NDRG3: variants seen among roughly 807,000 people sequenced by gnomAD.
The protein encoded by NDRG3 is protein NDRG3.
In NDRG3, 23 loss-of-function variants were observed where a neutral mutation model predicts 57.2. The ratio of observed to expected loss-of-function variants is 0.40; its 90% CI spans 0.29 to 0.57. NDRG3 has a LOEUF of 0.57. Ranked by LOEUF, NDRG3 falls within the 20% of genes least tolerant of loss-of-function variation. The probability of loss-of-function intolerance (pLI) is 0.42; values close to 1 mark genes in which losing one functional copy is unlikely to be tolerated. For missense variants in NDRG3, 384 were observed against 457.3 expected, an observed-to-expected ratio of 0.84 and a Z score of 1.46; for synonymous variants, 132 against 162.6, an observed-to-expected ratio of 0.81 and a Z score of 1.43.
At chr20:36,695,661 T>G (rs914666475) in intron 3 of NDRG3, among the ~76,000 whole-genome samples, 1 of 152,208 alleles carries the variant, frequency 6.6e-6, no homozygotes, top group Non-Finnish European at 1.5e-5. Flanking sequence ...CAAATTCTAG[T>G]CAGACCAGTT....
chr20:36,665,454 G>A (rs1231446334), intron 10 of NDRG3, among the ~76,000 whole-genome samples, 153 bp from the exon 11 acceptor site: 1 of 152,104 alleles, frequency 6.6e-6, no homozygotes. Context: ...CTTGGTTCTT[G>A]AGTCGCCATT....
intron 8 of NDRG3, among the ~76,000 whole-genome samples, chr20:36,673,581 A>AT (rs1450399952): frequency 6.6e-6 from 1 of 151,940 alleles, no homozygotes; most frequent in Admixed American, 6.6e-5. Context: ...ACGTTTCTGT[A>AT]TTTTTAGTAG....
Position 36,660,393 on chromosome 20 carries a change from TA to T in NDRG3, c.811-10del. The T allele has an allele frequency of 1.9e-6, 3 of 1,603,480 alleles. No individual in the cohort carries two copies. Among genetic ancestry groups the T allele is most frequent in the Admixed American group, 1.7e-5 (1 of 59,282 alleles). ...CGGGAATTGCATTCGACCTAAAATT[TA>T]AAAAAAGAGAAGAAAATAATTTTAT... On this transcript the variant is annotated splice_polypyrimidine_tract_variant and intron_variant, in intron 12 of 15. Transcript: ENST00000349004.
At position 36,742,494 on chromosome 20, in the gene NDRG3, A is replaced by G. The variant is rs1160773534; in HGVS notation, c.-49+3551T>C. ...GAAAATAGCACACAAAAACTTAGCTAGCTTGATTATGGATATTTACCAGGT... is the reference window on the plus strand; with the variant it reads ...GAAAATAGCACACAAAAACTTAGCTGGCTTGATTATGGATATTTACCAGGT... On this transcript the variant is annotated intron_variant, in intron 1 of 15. Coordinates refer to ENST00000349004, the MANE Select transcript of NDRG3 (RefSeq NM_032013.4). Among the ~76,000 whole-genome samples the G allele has an allele frequency of 2.6e-5, 4 of 152,176 alleles. No homozygotes were observed. In the East Asian group the frequency reaches 7.7e-4, roughly 29 times the overall value.
intron 3 of NDRG3, among the ~76,000 whole-genome samples, chr20:36,692,149 T>A (rs996918409): frequency 2.0e-5 from 3 of 152,212 alleles, no homozygotes; most frequent in Non-Finnish European, 4.4e-5. Context: ...GGCAAAAATG[T>A]AAAGTCAGAT....
At chr20:36,741,463 A>G (rs1028050455) in intron 1 of NDRG3, among the ~76,000 whole-genome samples, 4 of 152,198 alleles carry the variant, frequency 2.6e-5, no homozygotes, top group Non-Finnish European at 5.9e-5. Flanking sequence ...ATTTTACTAT[A>G]TATCTTCAAA....
In NDRG3 at chr20:36,652,635, C is replaced by T. The variant is rs1600842633; in HGVS notation, c.*885G>A. 2 of 152,130 alleles carry T rather than the reference C, an allele frequency of 1.3e-5. 1 individual carries two copies. Among genetic ancestry groups the T allele is most frequent in the South Asian group, 4.2e-4 (2 of 4,814 alleles). 9.4% of individuals were successfully genotyped at this position (152,130 alleles called of 1,614,324 possible). ...CACTCTCTGTCACAGACCTAAGAGG[C>T]ACTTCTTGTGGATATGTGGATGTCT... On this transcript the variant is annotated 3_prime_UTR_variant, in exon 16 of 16. Coordinates refer to ENST00000349004, the MANE Select transcript of NDRG3 (RefSeq NM_032013.4).
chr20:36,660,035 C>T (rs912930575), intron 13 of NDRG3, among the ~76,000 whole-genome samples: 3 of 151,888 alleles, frequency 2.0e-5, no homozygotes, highest in African/African-American at 4.8e-5. Context: ...GGTGAAACCC[C>T]GTCTCTACTA....
At chr20:36,686,389 T>A (rs1231631521) in intron 5 of NDRG3, among the ~76,000 whole-genome samples, 2 of 152,204 alleles carry the variant, frequency 1.3e-5, no homozygotes, top group Admixed American at 1.3e-4. Flanking sequence ...CATAGGGTTG[T>A]GAGGAGTAAA....
chr20:36,673,596 G>A (rs1600872466), intron 8 of NDRG3, among the ~76,000 whole-genome samples: 1 of 151,946 alleles, frequency 6.6e-6, no homozygotes, highest in Non-Finnish European at 1.5e-5. Flanking sequence ...TAGTAGAGAT[G>A]GGTTTCACCA....
intron 13 of NDRG3, 110 bp downstream of exon 13, chr20:36,660,225 TGA>T (rs1178616554): frequency 1.2e-6 from 1 of 847,246 alleles, no homozygotes; most frequent in African/African-American, 1.8e-5. Flanking sequence ...AAGAAGAGAA[TGA>T]GATAACCAAA....
Position 36,712,580 on chromosome 20 carries a change from TATA to T in NDRG3, c.58-5576_58-5574del, listed in dbSNP as rs1288712152. 1.1e-3 allele frequency among the ~76,000 whole-genome samples: 30 copies of T among 26,968 alleles called. 1 individual carries two copies. The highest frequency in any genetic ancestry group is 3.1e-3 in the African/African-American group (24 of 7,620). The allele number at this position is 26,968 out of a possible 152,430, so 17.7% of individuals were successfully genotyped here. On this transcript the variant is annotated intron_variant, in intron 2 of 15. Transcript: ENST00000349004. ...CCGGCTATATATATATATATATATA[TATA>T]TATATTTTTTTTTTTTTTTTTTTTT...
intron 3 of NDRG3, among the ~76,000 whole-genome samples, chr20:36,701,242 A>G (rs995343236): frequency 6.6e-6 from 1 of 152,132 alleles, no homozygotes; most frequent in African/African-American, 2.4e-5. Flanking sequence ...TCTTAAACAC[A>G]AGGTCTTTTT....
intron 3 of NDRG3, among the ~76,000 whole-genome samples, chr20:36,694,163 T>TG (rs1225749388): frequency 6.6e-6 from 1 of 152,098 alleles, no homozygotes; most frequent in Non-Finnish European, 1.5e-5. Context: ...GGGTTGGTCT[T>TG]GCCATCTCAA....
chr20:36,660,494 G>T, intron 12 of NDRG3, 110 bp from the exon 13 acceptor site: 1 of 612,532 alleles, frequency 1.6e-6, no homozygotes. Flanking sequence ...GTCTGGAGAA[G>T]GCTGAGCCAG....
intron 3 of NDRG3, among the ~76,000 whole-genome samples, chr20:36,698,711 A>G (rs1308266605): frequency 6.6e-6 from 1 of 152,172 alleles, no homozygotes; most frequent in Non-Finnish European, 1.5e-5. Flanking sequence ...GAAACAGCCC[A>G]AATATTCATC....
intron 1 of NDRG3, 60 bp downstream of exon 1, chr20:36,745,985 C>G: frequency 3.4e-6 from 1 of 296,094 alleles, no homozygotes; most frequent in Non-Finnish European, 6.3e-6. Flanking sequence ...GGCAAAGGAG[C>G]GACGCCCCCG....
intron 2 of NDRG3, among the ~76,000 whole-genome samples, chr20:36,710,812 C>CAA (rs35710822): frequency 2.0e-3 from 186 of 91,534 alleles, no homozygotes; most frequent in Non-Finnish European, 2.9e-3. Flanking sequence ...GACTCCGTCT[C>CAA]AAAAAAAAAA....
At chr20:36,737,302 C>T (rs891705302) in intron 1 of NDRG3, among the ~76,000 whole-genome samples, 3 of 152,070 alleles carry the variant, frequency 2.0e-5, no homozygotes, top group African/African-American at 7.2e-5. Context: ...CAACTCAGGA[C>T]ACGAGGAAAG....
Sources: gnomAD v4.1 joint callset for allele counts (sites outside exome capture counted in the v4.1 genomes callset) on GRCh38, gnomAD v4.1.1 for gene constraint, MANE v1.5 for transcripts, NCBI Gene and HGNC (gene_info 2026-07-23, HGNC 2026-07-21) for gene names.